The following NAV2 variants were observed in gnomAD, a reference collection of about 807,000 sequenced individuals.
NAV2 encodes the protein neuron navigator 2, also known as helicase, APC down-regulated 1.
NAV2 carries 54 observed loss-of-function variants against 223.2 expected under a neutral mutation model. The ratio of observed to expected loss-of-function variants is 0.24; its 90% CI spans 0.19 to 0.30. The LOEUF (loss-of-function observed/expected upper bound fraction) is 0.30. Among genes scored for constraint, NAV2 ranks in the 10% least tolerant of loss-of-function variants. The probability of loss-of-function intolerance (pLI) is 1.00; values close to 1 mark genes in which losing one functional copy is unlikely to be tolerated. For missense variants in NAV2, 2,806 were observed against 3,147.5 expected, an observed-to-expected ratio of 0.89 and a Z score of 2.60; for synonymous variants, 1,279 against 1,239.3, an observed-to-expected ratio of 1.03 and a Z score of -0.67.
At chr11:19,659,515 A>G (rs1479553712) in intron 1 of NAV2, among the ~76,000 whole-genome samples, 1 of 152,298 alleles carries the variant, frequency 6.6e-6, no homozygotes, top group East Asian at 1.9e-4. Context: ...GTAGGCAGGG[A>G]GGAGAGTGGT....
At chr11:19,939,107 A>T (rs992616299) in intron 7 of NAV2, among the ~76,000 whole-genome samples, 1 of 152,174 alleles carries the variant, frequency 6.6e-6, no homozygotes, top group East Asian at 1.9e-4. Context: ...TGAAATAATG[A>T]TCAATGAGAC....
intron 11 of NAV2, among the ~76,000 whole-genome samples, chr11:20,006,110 C>T (rs377060572): frequency 2.6e-5 from 4 of 152,070 alleles, no homozygotes; most frequent in Non-Finnish European, 5.9e-5. Context: ...TGTATATCCC[C>T]GACATTACAG....
chr11:19,583,314 C>A (rs1312999092), intron 1 of NAV2, among the ~76,000 whole-genome samples: 1 of 152,176 alleles, frequency 6.6e-6, no homozygotes, highest in Non-Finnish European at 1.5e-5. Context: ...ACAATCATGT[C>A]ATCTTCAAAC....
intron 1 of NAV2, among the ~76,000 whole-genome samples, chr11:19,386,912 T>C (rs1564896481): frequency 6.6e-6 from 1 of 151,730 alleles, no homozygotes; most frequent in Non-Finnish European, 1.5e-5. Context: ...GACAGTGGGG[T>C]CTTTCTTTGG....
At chr11:19,833,203 A>G (rs1195655739) in intron 2 of NAV2, among the ~76,000 whole-genome samples, 1 of 152,148 alleles carries the variant, frequency 6.6e-6, no homozygotes, top group Non-Finnish European at 1.5e-5. Flanking sequence ...TAAGGTAACC[A>G]CCCCATGGGC....
chr11:20,072,847 G>T (rs916550271), intron 22 of NAV2, among the ~76,000 whole-genome samples: 1 of 152,104 alleles, frequency 6.6e-6, no homozygotes, highest in Non-Finnish European at 1.5e-5. Flanking sequence ...TGAGAAGATG[G>T]GGTTTTCTAA....
intron 1 of NAV2, among the ~76,000 whole-genome samples, chr11:19,583,129 C>A (rs2045776693): frequency 6.6e-6 from 1 of 152,170 alleles, no homozygotes; most frequent in African/African-American, 2.4e-5. Context: ...ATTTTGTTCT[C>A]TTTGAAGCAA....
At position 19,939,676 on chromosome 11, in the gene NAV2, T is replaced by C. The variant is rs1453198806; in HGVS notation, c.2049T>C (p.Thr683=). Residue 683 remains threonine (T), a synonymous_variant, in exon 8 of 38, where the codon ACT becomes ACC. Coordinates refer to ENST00000349880, the MANE Select transcript of NAV2 (RefSeq NM_145117.5). ...GTGTGTGAAGGTCTCAGACGGACAC[T>C]GAAGGGAATGTTACTGCCGAGTCAA... ...APFLYRSQTD[T]EGNVTAESSS... is the part of the protein sequence containing the mutation. 1 of 1,614,080 alleles carries C rather than the reference T, an allele frequency of 6.2e-7. No individual in the cohort carries two copies. Among genetic ancestry groups the C allele is most frequent in the East Asian group, 2.2e-5 (1 of 44,874 alleles).
chr11:19,683,399 T>A (rs2048930406), intron 1 of NAV2, among the ~76,000 whole-genome samples: 1 of 152,270 alleles, frequency 6.6e-6, no homozygotes, highest in Non-Finnish European at 1.5e-5. Flanking sequence ...ACCTTCTTTT[T>A]TAGCTGCTTG....
chr11:19,828,995 T>C (rs2059796241), intron 1 of NAV2, among the ~76,000 whole-genome samples: 2 of 152,220 alleles, frequency 1.3e-5, no homozygotes, highest in Non-Finnish European at 2.9e-5. Context: ...TGTGCACTTG[T>C]TGAAATAAGT....
chr11:19,744,293 G>A (rs11025234), intron 1 of NAV2, among the ~76,000 whole-genome samples: 18,971 of 152,182 alleles, frequency 0.12, 1,312 homozygotes, highest in South Asian at 0.18. Flanking sequence ...ACTGTGCAGA[G>A]TAGAGGATGC....
intron 6 of NAV2, among the ~76,000 whole-genome samples, chr11:19,896,512 A>C (rs1438925621): frequency 1.3e-5 from 2 of 152,126 alleles, no homozygotes; most frequent in Non-Finnish European, 2.9e-5. Context: ...ACACTGAGAA[A>C]ATTTTATCTA....
intron 1 of NAV2, among the ~76,000 whole-genome samples, chr11:19,813,109 C>T (rs1051146507): frequency 6.6e-6 from 1 of 152,106 alleles, no homozygotes; most frequent in Admixed American, 6.6e-5. Context: ...TGAGACCTTT[C>T]GATGAAACAT....
intron 1 of NAV2, among the ~76,000 whole-genome samples, chr11:19,562,534 G>A (rs2045137258): frequency 6.6e-6 from 1 of 152,088 alleles, no homozygotes; most frequent in Non-Finnish European, 1.5e-5. Flanking sequence ...CAGCCCTGGA[G>A]CTTAGGCACT....
At chr11:19,930,500 T>C (rs2045225717) in intron 6 of NAV2, among the ~76,000 whole-genome samples, 1 of 152,158 alleles carries the variant, frequency 6.6e-6, no homozygotes, top group Admixed American at 6.6e-5. Context: ...AACCTGCCCC[T>C]AAGACCCCCG....
rs770474937 is a variant in NAV2 at position 20,103,702 on chromosome 11, C to G, written c.6622C>G (p.Leu2208Val). 2 of 1,614,208 alleles carry G rather than the reference C, an allele frequency of 1.2e-6. No individual in the cohort carries two copies. Among genetic ancestry groups the G allele is most frequent in the Non-Finnish European group, 8.5e-7 (1 of 1,180,002 alleles). ...MNQATSSTPNLQLHHNFRWVL... is the reference protein window; with the variant it reads ...MNQATSSTPNVQLHHNFRWVL... Reference sequence around the variant, plus strand: ...CCAGGCTACCTCTTCGACTCCCAACCTGCAGCTTCACCATAACTTCAGGTC... The same window carrying G: ...CCAGGCTACCTCTTCGACTCCCAACGTGCAGCTTCACCATAACTTCAGGTC... Residue 2208 changes from leucine to valine, a missense_variant, in exon 34 of 38, where the codon CTG becomes GTG. By Grantham distance (32) the Leu-to-Val change is conservative (BLOSUM62 1). This residue lies in a region of NAV2 where 824 missense variants were observed against 1,069.4 expected (regional missense o/e 0.77). Transcript: ENST00000349880.
At chr11:19,911,294 T>TCCA (rs2043295047) in intron 6 of NAV2, among the ~76,000 whole-genome samples, 1 of 152,166 alleles carries the variant, frequency 6.6e-6, no homozygotes, top group South Asian at 2.1e-4. Context: ...GTCAGGAAGA[T>TCCA]ATCCTGGAAG....
At chr11:19,874,605 A>G (rs754447195) in intron 4 of NAV2, among the ~76,000 whole-genome samples, 3 of 152,170 alleles carry the variant, frequency 2.0e-5, no homozygotes, top group Non-Finnish European at 4.4e-5. Flanking sequence ...GACAAATACC[A>G]TTTGGAAATA....
At chr11:19,811,253 A>G (rs920947709) in intron 1 of NAV2, among the ~76,000 whole-genome samples, 3 of 152,038 alleles carry the variant, frequency 2.0e-5, no homozygotes, top group African/African-American at 7.2e-5. Context: ...TCTGCTTTGC[A>G]TGTCATGGGC....
Sources: allele counts gnomAD v4.1 joint callset (sites outside exome capture counted in the v4.1 genomes callset), GRCh38; gene constraint gnomAD v4.1.1; regional missense constraint gnomAD v4.1.1; transcripts MANE v1.5; gene names NCBI Gene and HGNC (gene_info 2026-07-23, HGNC 2026-07-21).